Variants in FCHO1 observed in about 807,000 individuals in gnomAD.
FCHO1 encodes the protein F-BAR domain only protein 1.
Under a neutral mutation model 114.4 loss-of-function variants are expected in FCHO1, and 45 were observed. The observed-to-expected ratio is 0.39, with a 90% confidence interval of 0.31 to 0.50. The LOEUF (loss-of-function observed/expected upper bound fraction) is 0.50. FCHO1 is among the 20% of genes least tolerant of loss of function. The probability of loss-of-function intolerance (pLI) is 0.77; values close to 1 mark genes in which losing one functional copy is unlikely to be tolerated. For synonymous variants in FCHO1, 480 were observed against 488.9 expected (o/e 0.98, Z 0.24); for missense variants, 1,042 against 1,209.6 (o/e 0.86, Z 2.06).
At chr19:17,777,628 A>G (rs2033786948) in intron 18 of FCHO1, among the ~76,000 whole-genome samples, 1 of 151,990 alleles carries the variant, frequency 6.6e-6, no homozygotes, top group African/African-American at 2.4e-5. Context: ...GATGACGCGA[A>G]GACAGGAGGA....
At position 17,762,816 on chromosome 19, in the gene FCHO1, A is replaced by G. The variant is rs1599601072; in HGVS notation, c.82A>G (p.Ile28Val). Residue 28 changes from isoleucine (I) to valine (V), a missense_variant, in exon 5 of 29, where the codon ATC becomes GTC. Coordinates refer to ENST00000596536, the MANE Select transcript of FCHO1 (RefSeq NM_015122.3). ...VLYHSVKQGPISTKELADFIR... is the reference protein window; with the variant it reads ...VLYHSVKQGPVSTKELADFIR... ...GTACCACAGCGTGAAGCAGGGGCCC[A>G]TCTCCACCAAGGAGCTGGCGGACTT... The G allele has an allele frequency of 3.1e-6, 5 of 1,614,038 alleles. No individual in the cohort carries two copies. In the East Asian group the frequency reaches 6.7e-5, roughly 22 times the overall value.
At chr19:17,782,920 C>G in intron 23 of FCHO1, 97 bp from the exon 24 acceptor site, 1 of 1,406,524 alleles carries the variant, frequency 7.1e-7, no homozygotes, top group Non-Finnish European at 9.8e-7. Context: ...TCCGAGGAGT[C>G]TGGGGAGCCA....
At chr19:17,779,216 T>C (rs1001194576) in intron 20 of FCHO1, among the ~76,000 whole-genome samples, 1 of 152,042 alleles carries the variant, frequency 6.6e-6, no homozygotes, top group Admixed American at 6.6e-5. Flanking sequence ...TAGGCCTGTC[T>C]GAAGAACAGC....
chr19:17,776,001 G>A lies in FCHO1; in HGVS notation c.1022G>A (p.Arg341His), dbSNP rs764942801. The A allele has an allele frequency of 2.1e-5, 34 of 1,608,260 alleles. No homozygotes were observed. Among genetic ancestry groups the A allele is most frequent in the Middle Eastern group, 1.6e-4 (1 of 6,082 alleles). ...VTQNSTAEPS[R>H]FSSSDSDFDD... The stretch of plus-strand genomic sequence containing the variant: ...AGCCCACGCACGGCCGAGCCCTCCC[G>A]TTTCTCGTCCAGCGACTCCGACTTC... The change falls in exon 16 of 29, where the codon CGT becomes CAT. Residue 341 changes from arginine (R) to histidine (H), a missense_variant. Arg to His is a conservative substitution (Grantham distance 29). Around this residue, in one of 3 missense-constraint regions of FCHO1, gnomAD observed 450 missense variants for 564.1 expected, o/e 0.80. Transcript: ENST00000596536. The surrounding 1 kb of genome is among the most constrained non-coding windows in gnomAD (Gnocchi z 4.4).
chr19:17,760,838 G>A (rs1339599035), intron 4 of FCHO1, among the ~76,000 whole-genome samples: 2 of 151,982 alleles, frequency 1.3e-5, no homozygotes, highest in African/African-American at 4.8e-5. Flanking sequence ...TAGTAAACAC[G>A]GGGTTTCACC....
At chr19:17,778,476 T>G (rs1395385888) in intron 19 of FCHO1, 133 bp from the exon 20 acceptor site, 8 of 1,047,098 alleles carry the variant, frequency 7.6e-6, no homozygotes, top group Non-Finnish European at 1.1e-5. Flanking sequence ...AGGTGTAGCC[T>G]TGGGGGCGTG....
intron 22 of FCHO1, 67 bp downstream of exon 22, chr19:17,781,606 G>A: frequency 2.5e-6 from 4 of 1,581,592 alleles, no homozygotes; most frequent in Non-Finnish European, 3.5e-6. Flanking sequence ...TGGGTGGGTG[G>A]CTTCTCTGTT....
intron 12 of FCHO1, 41 bp downstream of exon 12, chr19:17,774,324 G>C (rs1407692381): frequency 6.2e-7 from 1 of 1,613,274 alleles, no homozygotes; most frequent in African/African-American, 1.3e-5. Context: ...TGGACCATGG[G>C]GGTGAGGGAG....
intron 27 of FCHO1, among the ~76,000 whole-genome samples, chr19:17,787,212 A>G (rs2093980435): frequency 1.7e-5 from 2 of 117,316 alleles, no homozygotes; most frequent in African/African-American, 6.7e-5. Flanking sequence ...TGACAGAGCG[A>G]GACTCTGTCT....
chr19:17,775,324 A>C lies in FCHO1; in HGVS notation c.946-132A>C. ...ACCTGCCCACACACCCAGGGAAGAC[A>C]GTCGTTGCCATCAGGGTTGGTTTTG... is the stretch of plus-strand genomic sequence containing the variant. On this transcript the variant is annotated intron_variant, in intron 14 of 28. Transcript: ENST00000596536. This position sits in a 1 kb window ranked among gnomAD's most constrained non-coding sequence, Gnocchi z 5.1. 1 of 952,740 alleles carries C rather than the reference A, an allele frequency of 1.0e-6. No individual in the cohort carries two copies. Among genetic ancestry groups the C allele is most frequent in the Non-Finnish European group, 1.7e-6 (1 of 591,586 alleles). The allele number at this position is 952,740 out of a possible 1,614,324, so 59.0% of individuals were successfully genotyped here. A position where few individuals can be genotyped will look rare whatever the true frequency, so the allele number is the denominator to read the frequency against.
chr19:17,788,070 GC>G (rs954998585), intron 28 of FCHO1, among the ~76,000 whole-genome samples: 1 of 152,044 alleles, frequency 6.6e-6, no homozygotes, highest in Non-Finnish European at 1.5e-5. Context: ...CAGCCAGGGA[GC>G]CCGAAGTCCC....
rs139967668 is a variant in FCHO1, at chr19:17,784,899, G to T, written c.2401G>T (p.Val801Phe). 6.2e-7 allele frequency: 1 copy of T among 1,612,584 alleles called. No individual in the cohort carries two copies. The highest frequency in any genetic ancestry group is 1.3e-5 in the African/African-American group (1 of 75,050). ...GCCTGTGGGGGAGCCTGTGACCAAC[G>T]TCCGCTTGCAGCCGGCTGCCACCTG... is the stretch of plus-strand genomic sequence containing the variant. ...LLPVGEPVTN[V>F]RLQPAATWNL... Residue 801 changes from valine to phenylalanine, a missense_variant, in exon 26 of 29, where the codon GTC (valine) becomes TTC (phenylalanine). Around this residue, in one of 3 missense-constraint regions of FCHO1, gnomAD observed 137 missense variants for 190.0 expected, o/e 0.72. Transcript: ENST00000596536. This position sits in a 1 kb window ranked among gnomAD's most constrained non-coding sequence, Gnocchi z 5.3.
At chr19:17,787,247 AAAAAAAG>A (rs1239571677) in intron 27 of FCHO1, among the ~76,000 whole-genome samples, 1 of 138,008 alleles carries the variant, frequency 7.2e-6, no homozygotes, top group Non-Finnish European at 1.5e-5. Context: ...AAAAAAAAAA[AAAAAAAG>A]CTGGAGGAGG....
upstream of FCHO1, among the ~76,000 whole-genome samples, chr19:17,748,433 A>G (rs569388259): frequency 1.4e-5 from 2 of 144,956 alleles, no homozygotes; most frequent in African/African-American, 5.2e-5. Context: ...AATTTTGGGG[A>G]GGAGGTCACT....
At chr19:17,769,996 G>T (rs150347603) in intron 7 of FCHO1, among the ~76,000 whole-genome samples, 2,001 of 151,340 alleles carry the variant, frequency 0.013, 16 homozygotes, top group Non-Finnish European at 0.021. Flanking sequence ...AGACCCCATT[G>T]CTATTAAAAC....
intron 1 of FCHO1, among the ~76,000 whole-genome samples, chr19:17,753,534 G>A (rs983834677): frequency 6.6e-6 from 1 of 152,162 alleles, no homozygotes; most frequent in African/African-American, 2.4e-5. Flanking sequence ...ACTCCTGCAG[G>A]GCCAGGCCCG....
At chr19:17,754,847 T>C (rs752902379) in intron 3 of FCHO1, 166 bp downstream of exon 3, 3 of 398,662 alleles carry the variant, frequency 7.5e-6, no homozygotes, top group Non-Finnish European at 1.4e-5. Context: ...CCTCCTCCAA[T>C]CTAGACTCCC....
Position 17,775,733 on chromosome 19 carries a change from G to A in FCHO1, c.1003+220G>A, listed in dbSNP as rs989404308. 6.6e-6 allele frequency among the ~76,000 whole-genome samples: 1 copy of A among 151,842 alleles called. No individual in the cohort carries two copies. ...CTAGCAGGGCTTCCTGGAGGAGGGG[G>A]CACCAGTGTTGGGGTTTTGCAGCCG... On this transcript the variant is annotated intron_variant, in intron 15 of 28. Transcript: ENST00000596536. The surrounding 1 kb of genome is among the most constrained non-coding windows in gnomAD (Gnocchi z 5.1).
chr19:17,783,991 TG>T, intron 24 of FCHO1, 111 bp from the exon 25 acceptor site: 1 of 1,345,546 alleles, frequency 7.4e-7, no homozygotes, highest in Non-Finnish European at 1.0e-6. Flanking sequence ...AGGGCTTTGC[TG>T]GGCCCAGGGT....
Sources: gnomAD v4.1 joint callset for allele counts (sites outside exome capture counted in the v4.1 genomes callset) on GRCh38, gnomAD v4.1.1 for gene constraint, gnomAD v4.1.1 regional missense constraint, Gnocchi (gnomAD v3.1) non-coding constraint, MANE v1.5 for transcripts, NCBI Gene and HGNC (gene_info 2026-07-23, HGNC 2026-07-21) for gene names.